The following SDK1 variants were observed in gnomAD, a reference collection of about 807,000 sequenced individuals.
SDK1 encodes protein sidekick-1.
Under a neutral mutation model 245.5 loss-of-function variants are expected in SDK1, and 157 were observed. The observed-to-expected ratio is 0.64, with a 90% CI of 0.56 to 0.73. SDK1 has a LOEUF of 0.73. SDK1 is among the 30% of genes least tolerant of loss of function. The probability of loss-of-function intolerance (pLI) is 0.00; values close to 1 mark genes in which losing one functional copy is unlikely to be tolerated. For synonymous variants in SDK1, 1,647 were observed against 1,278.5 expected (o/e 1.29, Z -6.15); for missense variants, 3,583 against 3,002.3 (o/e 1.19, Z -4.52).
At chr7:4,019,402 G>A (rs1282424129) in intron 17 of SDK1, among the ~76,000 whole-genome samples, 1 of 152,158 alleles carries the variant, frequency 6.6e-6, no homozygotes, top group Non-Finnish European at 1.5e-5. Flanking sequence ...GAGGAGATTT[G>A]GCGAGGGACT....
intron 4 of SDK1, among the ~76,000 whole-genome samples, chr7:3,752,509 T>C (rs1411074705): frequency 1.3e-5 from 2 of 152,216 alleles, no homozygotes; most frequent in Non-Finnish European, 2.9e-5. Context: ...AACTTTAAAC[T>C]CTTGGTCAAA....
At chr7:3,879,585 C>G (rs1781156931) in intron 5 of SDK1, among the ~76,000 whole-genome samples, 1 of 152,222 alleles carries the variant, frequency 6.6e-6, no homozygotes, top group Non-Finnish European at 1.5e-5. Flanking sequence ...GCCAGCCACG[C>G]TCCCGGTACT....
chr7:4,156,239 G>A (rs913839980), intron 30 of SDK1, among the ~76,000 whole-genome samples: 4 of 152,154 alleles, frequency 2.6e-5, no homozygotes, highest in Non-Finnish European at 5.9e-5. Flanking sequence ...GTGGCGCAGG[G>A]GGAGGAGGCA....
intron 5 of SDK1, among the ~76,000 whole-genome samples, chr7:3,938,503 G>A (rs1427003687): frequency 1.1e-4 from 16 of 151,974 alleles, no homozygotes; most frequent in South Asian, 4.2e-4. Context: ...AAAATTAGCC[G>A]GGCGTGGTGG....
chr7:4,010,275 AC>A (rs1232518694), intron 14 of SDK1, among the ~76,000 whole-genome samples: 1 of 152,122 alleles, frequency 6.6e-6, no homozygotes, highest in Non-Finnish European at 1.5e-5. Flanking sequence ...GCCTGTTTAA[AC>A]TCTGCAAAAA....
intron 4 of SDK1, among the ~76,000 whole-genome samples, chr7:3,722,085 A>G (rs926639406): frequency 1.3e-4 from 20 of 151,842 alleles, no homozygotes; most frequent in Non-Finnish European, 2.5e-4. Context: ...TCACCATGTT[A>G]CCCAGGCTGG....
chr7:3,967,186 A>G lies in SDK1; in HGVS notation c.1430-132A>G, dbSNP rs1583663810. 5 of 717,632 alleles carry G rather than the reference A, an allele frequency of 7.0e-6. No individual in the cohort carries two copies. In the East Asian group the frequency reaches 9.9e-5, roughly 14 times the overall value. The allele number at this position is 717,632 out of a possible 1,614,324, so 44.5% of individuals were successfully genotyped here. On this transcript the variant is annotated intron_variant, in intron 9 of 44. Coordinates refer to ENST00000404826, the MANE Select transcript of SDK1 (RefSeq NM_152744.4). ...AGTGGAGGGCTGCCGTCCCTCCTGA[A>G]CAGTATTCCTTTTGTATTGCTACAG... is the stretch of plus-strand genomic sequence containing the variant.
In SDK1 at chr7:4,106,307, C is replaced by CT. The variant is rs773537615; in HGVS notation, c.3325-4342dup. 9.3e-3 allele frequency among the ~76,000 whole-genome samples: 1,319 copies of CT among 142,278 alleles called. 4 individuals are homozygous for CT. The highest frequency in any genetic ancestry group is 0.022 in the Middle Eastern group (6 of 268). 93.3% of individuals were successfully genotyped at this position (142,278 alleles called of 152,430 possible). A position where few individuals can be genotyped will look rare whatever the true frequency, so the allele number is the denominator to read the frequency against. On this transcript the variant is annotated intron_variant, in intron 22 of 44. Coordinates refer to ENST00000404826, the MANE Select transcript of SDK1 (RefSeq NM_152744.4). ...TGTCCCCCGTTTCTTTTTTTTCTTT[C>CT]TTTTTTTTTTTTTTGAGACGGAGCC... is the stretch of plus-strand genomic sequence containing the variant.
intron 12 of SDK1, among the ~76,000 whole-genome samples, chr7:3,973,960 T>A (rs1346425947): frequency 1.3e-5 from 2 of 151,936 alleles, no homozygotes; most frequent in Non-Finnish European, 2.9e-5. Context: ...GACGGGCAGA[T>A]CACTTGAGGC....
At chr7:4,018,669 C>G (rs1786617208) in intron 17 of SDK1, among the ~76,000 whole-genome samples, 1 of 152,156 alleles carries the variant, frequency 6.6e-6, no homozygotes, top group Non-Finnish European at 1.5e-5. Context: ...ATTTCCGGTG[C>G]ATTTGAGTTC....
rs1017089189 is a variant in SDK1, at chr7:4,146,143, C to T, written c.4423+227C>T. Among the ~76,000 whole-genome samples the T allele has an allele frequency of 6.4e-5, 9 of 139,756 alleles. No homozygotes were observed. In the East Asian group the frequency reaches 1.1e-3, roughly 17 times the overall value. 91.7% of individuals were successfully genotyped at this position (139,756 alleles called of 152,430 possible). ...AGCCTCACACCTGCTCTCTCAGACA[C>T]GTGAGCACTGCGTTCACACCTTCAG... On this transcript the variant is annotated intron_variant, in intron 29 of 44. Transcript: ENST00000404826.
chr7:3,498,641 C>T (rs917469072), intron 1 of SDK1, among the ~76,000 whole-genome samples: 2 of 152,160 alleles, frequency 1.3e-5, no homozygotes, highest in Non-Finnish European at 2.9e-5. Flanking sequence ...TCCAATATCA[C>T]AGACACAGTT....
intron 36 of SDK1, 67 bp downstream of exon 36, chr7:4,206,061 C>T: frequency 9.5e-7 from 1 of 1,051,706 alleles, no homozygotes; most frequent in South Asian, 1.6e-5. Context: ...GTGGTCCTGC[C>T]TACTGCATTG....
chr7:3,500,690 T>C (rs1243669328), intron 1 of SDK1, among the ~76,000 whole-genome samples: 1 of 152,204 alleles, frequency 6.6e-6, no homozygotes, highest in Admixed American at 6.5e-5. Context: ...AAATTTCTTT[T>C]ATTTCTAAGA....
intron 5 of SDK1, among the ~76,000 whole-genome samples, chr7:3,855,679 A>G (rs1780528646): frequency 6.6e-6 from 1 of 152,244 alleles, no homozygotes; most frequent in Admixed American, 6.5e-5. Flanking sequence ...AGCCCTAGGC[A>G]ATTTTCCATA....
rs35467524 is a variant in SDK1, at chr7:3,357,053, G to GA, written c.298+55191dup. ...CTGGGTGACAGAGCGAGACTCTCTCGAAAAAAAAAAAAAAAAAAAAAAGAT... is the reference window on the plus strand; with the variant it reads ...CTGGGTGACAGAGCGAGACTCTCTCGAAAAAAAAAAAAAAAAAAAAAAAGAT... On this transcript the variant is annotated intron_variant, in intron 1 of 44. Transcript: ENST00000404826. 4.3e-3 allele frequency among the ~76,000 whole-genome samples: 348 copies of GA among 81,152 alleles called. 1 individual carries two copies. Among genetic ancestry groups the GA allele is most frequent in the Middle Eastern group, 6.6e-3 (1 of 152 alleles). 53.2% of individuals were successfully genotyped at this position (81,152 alleles called of 152,430 possible). A position where few individuals can be genotyped will look rare whatever the true frequency, so the allele number is the denominator to read the frequency against.
intron 4 of SDK1, among the ~76,000 whole-genome samples, chr7:3,729,239 G>C (rs1393637380): frequency 6.6e-6 from 1 of 152,172 alleles, no homozygotes; most frequent in Non-Finnish European, 1.5e-5. Context: ...TTTGCAGGCG[G>C]AGTTAGCATT....
At chr7:3,790,527 G>A (rs530211554) in intron 4 of SDK1, among the ~76,000 whole-genome samples, 1 of 152,272 alleles carries the variant, frequency 6.6e-6, no homozygotes, top group African/African-American at 2.4e-5. Flanking sequence ...TCTAACAGTC[G>A]GCCAGGCGTG....
intron 1 of SDK1, among the ~76,000 whole-genome samples, chr7:3,427,128 C>G (rs1779700256): frequency 6.6e-6 from 1 of 152,168 alleles, no homozygotes; most frequent in African/African-American, 2.4e-5. Context: ...CCAGTATTCC[C>G]ATGACCTTTG....
Sources: allele counts gnomAD v4.1 joint callset (sites outside exome capture counted in the v4.1 genomes callset), GRCh38; gene constraint gnomAD v4.1.1; transcripts MANE v1.5; gene names NCBI Gene and HGNC (gene_info 2026-07-23, HGNC 2026-07-21).